The following NUP153 variants were observed in gnomAD, a reference collection of about 807,000 sequenced individuals.
NUP153 encodes the protein nucleoporin 153.
Under a neutral mutation model 134.6 loss-of-function variants are expected in NUP153, and 27 were observed. That is an observed-to-expected ratio of 0.20 (90% CI 0.15 to 0.28). NUP153 has a LOEUF of 0.28. Ranked by LOEUF, NUP153 falls within the 10% of genes least tolerant of loss-of-function variation. NUP153 has a pLI of 1.00. For missense variants in NUP153, 1,821 were observed against 1,731.3 expected, an observed-to-expected ratio of 1.05 and a Z score of -0.92; for synonymous variants, 640 against 623.5, an observed-to-expected ratio of 1.03 and a Z score of -0.40.
intron 11 of NUP153, 83 bp downstream of exon 11, chr6:17,661,570 C>T (rs780111115): frequency 1.3e-5 from 18 of 1,373,350 alleles, no homozygotes; most frequent in South Asian, 3.7e-5. Flanking sequence ...TCTTCGAACC[C>T]CACCCCTACA....
rs1639175770 is a variant in NUP153 at position 17,637,502 on chromosome 6, T to C, written c.2115A>G (p.Lys705=). The C allele has an allele frequency of 6.2e-7, 1 of 1,614,120 alleles. No individual in the cohort carries two copies. Among genetic ancestry groups the C allele is most frequent in the African/African-American group, 1.3e-5 (1 of 74,934 alleles). Residue 705 remains lysine (K), a synonymous_variant, in exon 16 of 22, where the codon AAA becomes AAG. Transcript: ENST00000262077. ...TGIETPNKSG[K]TTLSASGTGF... ...CTGTCCCTGATGCAGAAAGAGTTGTTTTGCCACTTTTATTTGGTGTTTCAA... is the reference window on the plus strand; with the variant it reads ...CTGTCCCTGATGCAGAAAGAGTTGTCTTGCCACTTTTATTTGGTGTTTCAA...
chr6:17,652,391 T>C (rs984820478), intron 11 of NUP153, among the ~76,000 whole-genome samples: 1 of 152,012 alleles, frequency 6.6e-6, no homozygotes, highest in Admixed American at 6.6e-5. Context: ...CCCCAAATAT[T>C]AGGAAATTCA....
chr6:17,704,374 G>A (rs1396811404), intron 1 of NUP153, among the ~76,000 whole-genome samples: 1 of 151,060 alleles, frequency 6.6e-6, no homozygotes, highest in African/African-American at 2.4e-5. Context: ...ACCATCCAAT[G>A]ACCTATATTT....
chr6:17,664,806 A>G (rs771452031), intron 9 of NUP153, among the ~76,000 whole-genome samples: 13 of 152,104 alleles, frequency 8.5e-5, no homozygotes, highest in Non-Finnish European at 1.6e-4. Context: ...TAATCCCAGC[A>G]CTTTGGGAGG....
chr6:17,628,958 C>G lies in NUP153; in HGVS notation c.3241G>C (p.Gly1081Arg). The change falls in exon 18 of 22, where the codon GGA (glycine) becomes CGA (arginine). Residue 1081 changes from glycine to arginine, a missense_variant. Transcript: ENST00000262077. The surrounding 1 kb of genome is among the most constrained non-coding windows in gnomAD (Gnocchi z 5.4). ...GGCTCCACGTTGCCAAAAGAGAATC[C>G]TCCTTTGGTGGCAGGCATTTCTTCT... ...KKEEMPATKG[G>R]FSFGNVEPAS... 1 of 1,614,160 alleles carries G rather than the reference C, an allele frequency of 6.2e-7. No homozygotes were observed. The highest frequency in any genetic ancestry group is 8.5e-7 in the Non-Finnish European group (1 of 1,180,024).
At position 17,629,543 on chromosome 6, in the gene NUP153, CA is replaced by C; in HGVS notation, c.2660-5del. The C allele has an allele frequency of 6.3e-7, 1 of 1,575,726 alleles. No individual in the cohort carries two copies. Among genetic ancestry groups the C allele is most frequent in the Non-Finnish European group, 8.6e-7 (1 of 1,168,104 alleles). ...GATGAGGAAGATGTGTCAAAGCCTA[CA>C]AAAATATAAAAGACACCACATAGAC... On this transcript the variant is annotated splice_polypyrimidine_tract_variant and splice_region_variant and intron_variant, in intron 17 of 21. Transcript: ENST00000262077.
intron 1 of NUP153, 94 bp from the exon 2 acceptor site, chr6:17,688,712 A>C: frequency 1.1e-6 from 1 of 921,056 alleles, no homozygotes; most frequent in Non-Finnish European, 1.6e-6. Flanking sequence ...GCAAAACACA[A>C]TGGTGTCCAA....
intron 14 of NUP153, 40 bp from the exon 15 acceptor site, chr6:17,640,104 A>G: frequency 7.2e-7 from 1 of 1,392,370 alleles, no homozygotes. Flanking sequence ...TGCCAAATAA[A>G]ACACTGGACT....
Position 17,674,915 on chromosome 6 carries a change from G to A in NUP153, c.842C>T (p.Thr281Ile), listed in dbSNP as rs368579036. The A allele has an allele frequency of 3.1e-6, 5 of 1,607,576 alleles. No individual in the cohort carries two copies. In the African/African-American group the frequency reaches 4.0e-5, roughly 13 times the overall value. The change falls in exon 5 of 22, where the codon ACA becomes ATA. Residue 281 changes from threonine to isoleucine, a missense_variant. Coordinates refer to ENST00000262077, the MANE Select transcript of NUP153 (RefSeq NM_005124.4). ...TCTATTGGAACCTACCTGATAAGGT[G>A]TATTTCGTAGTTTAGACTGTCTTAC... ...AAVRQSKLRN[T>I]PYQAPVRRQM...
chr6:17,646,096 C>CTAGAGTACTTTAGTTCTAGTACTAAAG lies in NUP153; in HGVS notation c.1690_1691insCTTTAGTACTAGAACTAAAGTACTCTA (p.Ser563_Ser564insThrLeuValLeuGluLeuLysTyrSer). On this transcript the variant is annotated inframe_insertion, in exon 14 of 22. Transcript: ENST00000262077. The stretch of plus-strand genomic sequence containing the variant: ...ACTACTTATAATTGGTTCTAAAGTA[C>CTAGAGTACTTTAGTTCTAGTACTAAAG]TACTAGAACCAGAAAGTTCTGCTGT... The CTAGAGTACTTTAGTTCTAGTACTAAAG allele has an allele frequency of 6.9e-6, 11 of 1,591,474 alleles. No individual in the cohort carries two copies. Among genetic ancestry groups the CTAGAGTACTTTAGTTCTAGTACTAAAG allele is most frequent in the Non-Finnish European group, 8.6e-6 (10 of 1,160,136 alleles).
chr6:17,682,977 T>C (rs6936033), intron 2 of NUP153, among the ~76,000 whole-genome samples: 132,277 of 150,776 alleles, frequency 0.88, 58,187 homozygotes, highest in East Asian at 0.95. Context: ...AGCAACTCCT[T>C]ATCCATTCGA....
At chr6:17,679,907 G>A (rs1768474492) in intron 2 of NUP153, among the ~76,000 whole-genome samples, 1 of 152,136 alleles carries the variant, frequency 6.6e-6, no homozygotes, top group African/African-American at 2.4e-5. Context: ...GAAGGAATGC[G>A]AAATAACTGA....
At chr6:17,640,655 C>G (rs532427746) in intron 14 of NUP153, among the ~76,000 whole-genome samples, 12 of 152,298 alleles carry the variant, frequency 7.9e-5, no homozygotes, top group African/African-American at 2.9e-4. Context: ...GTCTTGTTGT[C>G]AGCAAGGCCG....
intron 1 of NUP153, among the ~76,000 whole-genome samples, chr6:17,696,329 T>C (rs1306439611): frequency 6.6e-6 from 1 of 152,212 alleles, no homozygotes; most frequent in East Asian, 1.9e-4. Flanking sequence ...TTGACCTTAC[T>C]ACCAAGGAAG....
intron 13 of NUP153, among the ~76,000 whole-genome samples, chr6:17,646,924 T>TC (rs1205548856): frequency 1.3e-5 from 2 of 149,642 alleles, no homozygotes; most frequent in East Asian, 3.9e-4. Context: ...TTTTCTTTTT[T>TC]TTTTTTTTTT....
intron 20 of NUP153, among the ~76,000 whole-genome samples, chr6:17,622,771 A>T (rs762438217): frequency 2.6e-5 from 4 of 152,194 alleles, no homozygotes; most frequent in African/African-American, 7.2e-5. Flanking sequence ...AGTATACCAT[A>T]TGGCTCAGCA....
chr6:17,629,515 G>C lies in NUP153; in HGVS notation c.2684C>G (p.Ser895Trp). ...FKGFDTSSSS[S>W]NSAASSSFKF... ...GAAGGATGAGGAGGCTGCTGAGTTC[G>C]AAGATGAGGAAGATGTGTCAAAGCC... The change falls in exon 18 of 22, where the codon TCG becomes TGG. Residue 895 changes from serine to tryptophan, a missense_variant. Physicochemically the swap from Ser to Trp is radical, Grantham distance 177. Transcript: ENST00000262077. 3 of 1,596,548 alleles carry C rather than the reference G, an allele frequency of 1.9e-6. No individual in the cohort carries two copies. Among genetic ancestry groups the C allele is most frequent in the South Asian group, 2.3e-5 (2 of 87,792 alleles).
At chr6:17,623,834 A>T (rs1764776602) in intron 20 of NUP153, among the ~76,000 whole-genome samples, 1 of 152,222 alleles carries the variant, frequency 6.6e-6, no homozygotes, top group Non-Finnish European at 1.5e-5. Context: ...TGCATCTATT[A>T]GCCAATAAAT....
intron 16 of NUP153, among the ~76,000 whole-genome samples, chr6:17,634,790 T>C (rs976208932): frequency 1.3e-5 from 2 of 152,228 alleles, no homozygotes; most frequent in South Asian, 2.1e-4. Context: ...ACGTCTTTAA[T>C]TTTATGTCCT....
Sources: allele counts gnomAD v4.1 joint callset (sites outside exome capture counted in the v4.1 genomes callset), GRCh38; gene constraint gnomAD v4.1.1; non-coding constraint Gnocchi (gnomAD v3.1); transcripts MANE v1.5; gene names NCBI Gene and HGNC (gene_info 2026-07-23, HGNC 2026-07-21).